Variants in VIPR2 observed in about 807,000 individuals in gnomAD.
VIPR2 encodes vasoactive intestinal peptide receptor 2.
VIPR2 carries 48 observed loss-of-function variants against 58.0 expected under a neutral mutation model. That is an observed-to-expected ratio of 0.83 (90% confidence interval 0.66 to 1.05). The LOEUF (loss-of-function observed/expected upper bound fraction) is 1.05, where lower values mean the gene tolerates loss of function less well. Among genes scored for constraint, VIPR2 ranks in the 50% least tolerant of loss-of-function variants. VIPR2 has a pLI of 0.00. For synonymous variants in VIPR2, 243 were observed against 235.2 expected, an observed-to-expected ratio of 1.03 and a Z score of -0.30; for missense variants, 534 against 558.0, an observed-to-expected ratio of 0.96 and a Z score of 0.43.
intron 4 of VIPR2, among the ~76,000 whole-genome samples, chr7:159,085,909 G>A (rs116321138): frequency 0.013 from 2,018 of 152,270 alleles, 39 homozygotes; most frequent in African/African-American, 0.045. Context: ...GACGACCCGC[G>A]CGATGCTGTG....
rs1384087302 is a variant in VIPR2, at chr7:159,127,246, G to A, written c.151+15200C>T. Among the ~76,000 whole-genome samples, 2 of 152,126 alleles carry A rather than the reference G, an allele frequency of 1.3e-5. No homozygotes were observed. The highest frequency in any genetic ancestry group is 2.9e-5 in the Non-Finnish European group (2 of 68,026). ...GGGAAACGCCATCTCCTGGGACACC[G>A]CCCTTAGGAGGCACCTGGAAACTGG... On this transcript the variant is annotated intron_variant, in intron 2 of 12. Coordinates refer to ENST00000262178, the MANE Select transcript of VIPR2 (RefSeq NM_003382.5). This position sits in a 1 kb window ranked among gnomAD's most constrained non-coding sequence, Gnocchi z 4.6.
At chr7:159,106,514 A>G (rs971818904) in intron 3 of VIPR2, among the ~76,000 whole-genome samples, 107 of 42,116 alleles carry the variant, frequency 2.5e-3, no homozygotes, top group South Asian at 3.6e-3. Flanking sequence ...AGAGAGGCCA[A>G]GGAGGGGCAG....
At position 159,034,630 on chromosome 7, in the gene VIPR2, T is replaced by C. The variant is rs778534104; in HGVS notation, c.830A>G (p.His277Arg). ...TCGTATGACCCACCAGGGCACACTG[T>C]GGTCGTTTGTATCCCAGCAACTGTC... ...EDTGCWDTND[H>R]SVPWWVIRIP... The change falls in exon 9 of 13, where the codon CAC becomes CGC. Residue 277 changes from histidine (H) to arginine (R), a missense_variant. Physicochemically the swap from His to Arg is conservative, Grantham distance 29. Coordinates refer to ENST00000262178, the MANE Select transcript of VIPR2 (RefSeq NM_003382.5). 25 of 1,613,986 alleles carry C rather than the reference T, an allele frequency of 1.5e-5. No individual in the cohort carries two copies. The highest frequency in any genetic ancestry group is 1.9e-5 in the Non-Finnish European group (22 of 1,179,924).
rs531460410 is a variant in VIPR2, at chr7:159,034,479, C to T, written c.879+102G>A. On this transcript the variant is annotated intron_variant, in intron 9 of 12. Coordinates refer to ENST00000262178, the MANE Select transcript of VIPR2 (RefSeq NM_003382.5). ...CCTTTTCCGGGAAGGCTGAGTGATG[C>T]GTGGAATGGGGTCAGTTCTATTTAA... 6.3e-5 allele frequency: 85 copies of T among 1,351,996 alleles called. No individual in the cohort carries two copies. The East Asian group carries it at 1.0e-3, about 16-fold the overall frequency. 83.7% of individuals were successfully genotyped at this position (1,351,996 alleles called of 1,614,324 possible). A position where few individuals can be genotyped will look rare whatever the true frequency, so the allele number is the denominator to read the frequency against.
At chr7:159,066,130 CGTT>C (rs1278052586) in intron 4 of VIPR2, among the ~76,000 whole-genome samples, 6 of 151,694 alleles carry the variant, frequency 4.0e-5, no homozygotes, top group South Asian at 2.1e-4. Context: ...CCTGATCCCA[CGTT>C]GTCCATGGGA....
intron 4 of VIPR2, among the ~76,000 whole-genome samples, chr7:159,092,708 T>C (rs900257028): frequency 6.7e-6 from 1 of 149,840 alleles, no homozygotes; most frequent in Non-Finnish European, 1.5e-5. Context: ...TGGAGTGCAG[T>C]GGTGCAATCT....
Position 159,031,953 on chromosome 7 carries a change from G to A in VIPR2, c.1086C>T (p.Cys362=). 1.2e-6 allele frequency: 2 copies of A among 1,614,186 alleles called. No individual in the cohort carries two copies. The highest frequency in any genetic ancestry group is 1.7e-6 in the Non-Finnish European group (2 of 1,180,048). Residue 362 remains cysteine (C), a synonymous_variant, in exon 11 of 13, where the codon TGC becomes TGT. Coordinates refer to ENST00000262178, the MANE Select transcript of VIPR2 (RefSeq NM_003382.5). The surrounding 1 kb of genome is among the most constrained non-coding windows in gnomAD (Gnocchi z 4.0). ...SSKYQILFEL[C]LGSFQGLVVA... is the part of the protein sequence containing the mutation. ...GCACACCTACCTGGAACGACCCGAG[G>A]CACAGCTCAAACAGTATCTGGTATT...
At chr7:159,033,843 G>C (rs1853739056) in intron 10 of VIPR2, among the ~76,000 whole-genome samples, 1 of 152,170 alleles carries the variant, frequency 6.6e-6, no homozygotes, top group Non-Finnish European at 1.5e-5. Flanking sequence ...GCTTAAACAA[G>C]CAAGTTCACT....
rs76544225 is a variant in VIPR2, at chr7:159,103,069, C to T, written c.357+688G>A. 8.0e-3 allele frequency among the ~76,000 whole-genome samples: 1,220 copies of T among 152,314 alleles called. 9 individuals are homozygous for T. The highest frequency in any genetic ancestry group is 9.8e-3 in the Non-Finnish European group (667 of 68,022). ...TGAGGCAGAGCTGGGGAAGTTTGCACGGATGGACCAGAGCAGAGCTTAAGG... is the reference window on the plus strand; with the variant it reads ...TGAGGCAGAGCTGGGGAAGTTTGCATGGATGGACCAGAGCAGAGCTTAAGG... On this transcript the variant is annotated intron_variant, in intron 4 of 12. Coordinates refer to ENST00000262178, the MANE Select transcript of VIPR2 (RefSeq NM_003382.5).
At chr7:159,066,905 A>C (rs1375973819) in intron 4 of VIPR2, among the ~76,000 whole-genome samples, 4 of 152,064 alleles carry the variant, frequency 2.6e-5, no homozygotes, top group Admixed American at 6.6e-5. Context: ...TAGAAGGGGG[A>C]TTTTTTTGCC....
At chr7:159,052,236 A>T (rs1449419993) in intron 5 of VIPR2, among the ~76,000 whole-genome samples, 1 of 152,326 alleles carries the variant, frequency 6.6e-6, no homozygotes, top group East Asian at 1.9e-4. Context: ...TGACAATACC[A>T]GGACTGAAGG....
intron 1 of VIPR2, among the ~76,000 whole-genome samples, chr7:159,143,673 A>C (rs1797566588): frequency 6.6e-6 from 1 of 152,266 alleles, no homozygotes; most frequent in Non-Finnish European, 1.5e-5. Flanking sequence ...AAGTGGCTTA[A>C]ATTTCAGAAT....
At chr7:159,044,161 C>CA (rs1563267250) in intron 5 of VIPR2, among the ~76,000 whole-genome samples, 3 of 151,050 alleles carry the variant, frequency 2.0e-5, no homozygotes. Flanking sequence ...GGCACTTTTT[C>CA]TTTTTTTTTC....
At chr7:159,058,344 T>G in intron 5 of VIPR2, 137 bp downstream of exon 5, 1 of 699,906 alleles carries the variant, frequency 1.4e-6, no homozygotes, top group South Asian at 1.6e-5. Context: ...AACATCATAT[T>G]TAATGGCAGC....
At chr7:159,100,952 G>A (rs1461191039) in intron 4 of VIPR2, among the ~76,000 whole-genome samples, 2 of 144,478 alleles carry the variant, frequency 1.4e-5, no homozygotes, top group African/African-American at 2.6e-5. Flanking sequence ...CCGATGAGGC[G>A]GTTCCGACTG....
intron 2 of VIPR2, 89 bp from the exon 3 acceptor site, chr7:159,110,008 ACTC>A: frequency 8.0e-7 from 1 of 1,243,578 alleles, no homozygotes; most frequent in African/African-American, 1.5e-5. Context: ...TGCCTCGCAA[ACTC>A]CTTTCCTGTG....
intron 2 of VIPR2, among the ~76,000 whole-genome samples, chr7:159,122,995 G>A (rs929322064): frequency 6.6e-6 from 1 of 152,082 alleles, no homozygotes; most frequent in Admixed American, 6.5e-5. Context: ...CCCTCCAACT[G>A]GGGGAAGACC....
intron 6 of VIPR2, among the ~76,000 whole-genome samples, chr7:159,040,952 A>T (rs1354625889): frequency 6.6e-6 from 1 of 152,016 alleles, no homozygotes; most frequent in Non-Finnish European, 1.5e-5. Context: ...TACTAGAGTC[A>T]CGGGGCATCT....
At chr7:159,115,810 C>G (rs371056724) in intron 2 of VIPR2, among the ~76,000 whole-genome samples, 3 of 152,272 alleles carry the variant, frequency 2.0e-5, no homozygotes, top group African/African-American at 7.2e-5. Context: ...AGCTGCCCCA[C>G]GCCCTCTAGC....
Sources: gnomAD v4.1 joint callset for allele counts (sites outside exome capture counted in the v4.1 genomes callset) on GRCh38, gnomAD v4.1.1 for gene constraint, Gnocchi (gnomAD v3.1) non-coding constraint, MANE v1.5 for transcripts, NCBI Gene and HGNC (gene_info 2026-07-23, HGNC 2026-07-21) for gene names.